KCNIP4: variants seen among roughly 807,000 people sequenced by gnomAD.
The protein encoded by KCNIP4 is potassium voltage-gated channel interacting protein 4.
A neutral mutation model predicts 34.0 loss-of-function variants in KCNIP4; 12 were observed. The observed-to-expected ratio is 0.35, with a 90% confidence interval of 0.23 to 0.57. The LOEUF is 0.57. Ranked by LOEUF, KCNIP4 falls within the 20% of genes least tolerant of loss-of-function variation. KCNIP4 has a pLI of 0.83. For synonymous variants in KCNIP4, 124 were observed against 102.2 expected, an observed-to-expected ratio of 1.21 and a Z score of -1.29; for missense variants, 238 against 311.7, an observed-to-expected ratio of 0.76 and a Z score of 1.78.
In KCNIP4 at chr4:20,914,437, G is replaced by C. The variant is rs142672256; in HGVS notation, c.62-31728C>G. 5.8e-3 allele frequency among the ~76,000 whole-genome samples: 886 copies of C among 152,212 alleles called. 5 individuals are homozygous for C. Among genetic ancestry groups the C allele is most frequent in the African/African-American group, 0.02 (819 of 41,518 alleles). On this transcript the variant is annotated intron_variant, in intron 1 of 8. Transcript: ENST00000382152. ...CCGCATCCCTTTTGCATGTGAAAAT[G>C]CATCAAGAAAATGGCCCTCACCAGA...
At chr4:21,323,266 C>A (rs2109306366) in intron 1 of KCNIP4, among the ~76,000 whole-genome samples, 1 of 151,382 alleles carries the variant, frequency 6.6e-6, no homozygotes, top group African/African-American at 2.4e-5. Context: ...CTTTGTGTTA[C>A]ATACAATTCA....
At chr4:21,207,900 T>C (rs1014051079) in intron 1 of KCNIP4, among the ~76,000 whole-genome samples, 7 of 148,100 alleles carry the variant, frequency 4.7e-5, no homozygotes, top group Non-Finnish European at 8.9e-5. Flanking sequence ...TGGAGTGCAC[T>C]GGCATGAGCT....
At chr4:21,146,436 A>T (rs866896151) in intron 1 of KCNIP4, among the ~76,000 whole-genome samples, 2 of 152,164 alleles carry the variant, frequency 1.3e-5, no homozygotes, top group Non-Finnish European at 2.9e-5. Flanking sequence ...AATAAGAATT[A>T]TTCAGATTCT....
chr4:21,471,251 T>C (rs1730445496), intron 1 of KCNIP4, among the ~76,000 whole-genome samples: 1 of 152,138 alleles, frequency 6.6e-6, no homozygotes, highest in African/African-American at 2.4e-5. Context: ...CTAGGCCCAC[T>C]GAAAAATGCT....
intron 1 of KCNIP4, among the ~76,000 whole-genome samples, chr4:21,143,294 C>T (rs1752103528): frequency 6.6e-6 from 1 of 152,172 alleles, no homozygotes; most frequent in Non-Finnish European, 1.5e-5. Context: ...AAGAGAAGGA[C>T]TCAAAGCTCC....
At chr4:21,109,446 C>A (rs1748940048) in intron 1 of KCNIP4, among the ~76,000 whole-genome samples, 1 of 152,178 alleles carries the variant, frequency 6.6e-6, no homozygotes, top group Non-Finnish European at 1.5e-5. Flanking sequence ...TTTTTTAAGC[C>A]CGTCAGAAAA....
chr4:21,036,946 C>G (rs1307946686), intron 1 of KCNIP4, among the ~76,000 whole-genome samples: 3 of 152,088 alleles, frequency 2.0e-5, no homozygotes, highest in African/African-American at 7.2e-5. Context: ...ATCTGATGAT[C>G]TTGGCCCTGG....
chr4:20,820,444 T>G (rs1426067242), intron 3 of KCNIP4, among the ~76,000 whole-genome samples: 1 of 152,064 alleles, frequency 6.6e-6, no homozygotes, highest in Non-Finnish European at 1.5e-5. Context: ...TAGAAAACTG[T>G]GTGTGAGAGA....
chr4:21,139,553 G>A (rs1055384740), intron 1 of KCNIP4, among the ~76,000 whole-genome samples: 1 of 152,096 alleles, frequency 6.6e-6, no homozygotes, highest in African/African-American at 2.4e-5. Context: ...AGCTGTAGAC[G>A]ATTATCTTGC....
At chr4:20,899,774 A>G (rs957388844) in intron 1 of KCNIP4, among the ~76,000 whole-genome samples, 1 of 152,296 alleles carries the variant, frequency 6.6e-6, no homozygotes, top group East Asian at 1.9e-4. Context: ...GCTTGCAGAT[A>G]AACTCTGGAC....
chr4:21,624,314 A>G (rs531035185), intron 1 of KCNIP4, among the ~76,000 whole-genome samples: 26 of 152,256 alleles, frequency 1.7e-4, no homozygotes, highest in Admixed American at 6.5e-4. Context: ...AATTGTAACT[A>G]TTGTTTTTTC....
chr4:20,893,082 G>A (rs1024056064), intron 1 of KCNIP4, among the ~76,000 whole-genome samples: 4 of 152,072 alleles, frequency 2.6e-5, no homozygotes, highest in Admixed American at 6.6e-5. Context: ...GTTCAAAAAT[G>A]TTCTTGTTTA....
intron 1 of KCNIP4, among the ~76,000 whole-genome samples, chr4:20,931,749 G>C (rs543399376): frequency 6.6e-5 from 10 of 152,134 alleles, no homozygotes; most frequent in Admixed American, 5.2e-4. Context: ...AATATGCAGA[G>C]ATAGACAATA....
chr4:21,210,980 A>G (rs563080136), intron 1 of KCNIP4, among the ~76,000 whole-genome samples: 1 of 152,300 alleles, frequency 6.6e-6, no homozygotes, highest in African/African-American at 2.4e-5. Flanking sequence ...CTTGAAAAAT[A>G]AGGATTTGTA....
At chr4:21,483,413 A>T (rs375533174) in intron 1 of KCNIP4, among the ~76,000 whole-genome samples, 97 of 152,090 alleles carry the variant, frequency 6.4e-4, no homozygotes, top group Middle Eastern at 3.4e-3. Flanking sequence ...GAGGTGATTG[A>T]ATCATGGGGG....
intron 1 of KCNIP4, among the ~76,000 whole-genome samples, chr4:21,026,222 T>C (rs1740548451): frequency 6.6e-6 from 1 of 152,210 alleles, no homozygotes; most frequent in Admixed American, 6.5e-5. Context: ...CTCTGCCTCA[T>C]GCCAATTATG....
At chr4:21,847,697 T>C (rs1560758764) in intron 1 of KCNIP4, 1 of 152,162 alleles carries the variant, frequency 6.6e-6, no homozygotes, top group Non-Finnish European at 1.5e-5. Context: ...CAGGTTTCTT[T>C]TGTGCTCTTA....
At chr4:21,900,460 G>A (rs1258367356) in intron 1 of KCNIP4, among the ~76,000 whole-genome samples, 1 of 152,140 alleles carries the variant, frequency 6.6e-6, no homozygotes, top group East Asian at 1.9e-4. Context: ...CCAAGAGAAA[G>A]GTCCTTCTTG....
At chr4:21,133,567 C>T (rs577067525) in intron 1 of KCNIP4, among the ~76,000 whole-genome samples, 7 of 152,316 alleles carry the variant, frequency 4.6e-5, no homozygotes, top group African/African-American at 1.4e-4. Flanking sequence ...TATCATCTCC[C>T]TGAATTAATC....
Sources: allele counts gnomAD v4.1 joint callset (sites outside exome capture counted in the v4.1 genomes callset), GRCh38; gene constraint gnomAD v4.1.1; transcripts MANE v1.5; gene names NCBI Gene and HGNC (gene_info 2026-07-23, HGNC 2026-07-21).